Variants in MYO18B observed in about 807,000 individuals in gnomAD.
MYO18B encodes myosin XVIIIB.
Under a neutral mutation model 273.0 loss-of-function variants are expected in MYO18B, and 204 were observed. The ratio of observed to expected loss-of-function variants is 0.75; its 90% CI spans 0.67 to 0.84. The LOEUF is 0.84. Ranked by LOEUF, MYO18B falls within the 40% of genes least tolerant of loss-of-function variation. The pLI, the probability that MYO18B is intolerant of heterozygous loss-of-function variation, is 0.00. For synonymous variants in MYO18B, 1,330 were observed against 1,305.7 expected (o/e 1.02, Z -0.40); for missense variants, 3,212 against 3,287.6 (o/e 0.98, Z 0.56).
intron 42 of MYO18B, among the ~76,000 whole-genome samples, chr22:26,007,903 C>G (rs1432230143): frequency 1.3e-5 from 2 of 152,192 alleles, no homozygotes; most frequent in African/African-American, 4.8e-5. Context: ...TCTTAAGCTT[C>G]CTTCTCAGAA....
At chr22:25,835,944 A>T (rs1475587018) in intron 17 of MYO18B, among the ~76,000 whole-genome samples, 1 of 152,216 alleles carries the variant, frequency 6.6e-6, no homozygotes, top group African/African-American at 2.4e-5. Flanking sequence ...GATTCCAGGC[A>T]GTGGGAGGCA....
intron 42 of MYO18B, among the ~76,000 whole-genome samples, chr22:26,020,843 G>A (rs917138386): frequency 1.3e-4 from 20 of 152,284 alleles, no homozygotes; most frequent in Admixed American, 3.9e-4. Context: ...AATCCCAACA[G>A]TTTGGGAGGC....
rs112427721 is a variant in MYO18B, at chr22:25,926,215, GA to G, written c.5517+4815del. ...GCAAGACTGCGTCTCAAAAAGAAAA[GA>G]AAAAAAAAGAAATTAGAACATGTTC... On this transcript the variant is annotated intron_variant, in intron 34 of 43. Transcript: ENST00000335473. Among the ~76,000 whole-genome samples the G allele has an allele frequency of 6.5e-4, 97 of 148,666 alleles. No individual in the cohort carries two copies. The South Asian group carries it at 0.018, about 28-fold the overall frequency.
intron 25 of MYO18B, among the ~76,000 whole-genome samples, chr22:25,880,089 G>A (rs2091297639): frequency 6.6e-6 from 1 of 152,178 alleles, no homozygotes; most frequent in African/African-American, 2.4e-5. Flanking sequence ...CATGTGGTCA[G>A]CAAGCCACGG....
intron 12 of MYO18B, among the ~76,000 whole-genome samples, chr22:25,801,573 G>A (rs184598743): frequency 1.3e-5 from 2 of 152,190 alleles, no homozygotes; most frequent in Admixed American, 1.3e-4. Flanking sequence ...CTCCTGGCGG[G>A]GTGTTTCATA....
chr22:25,963,178 T>TCTCTCTCACACACACA (rs774304270), intron 39 of MYO18B, among the ~76,000 whole-genome samples: 35 of 144,178 alleles, frequency 2.4e-4, no homozygotes, highest in African/African-American at 7.5e-4. Context: ...TCTCTCTCTC[T>TCTCTCTCACACACACA]CACACACACA....
intron 32 of MYO18B, among the ~76,000 whole-genome samples, chr22:25,909,839 G>C (rs538871744): frequency 2.6e-5 from 4 of 152,212 alleles, no homozygotes; most frequent in African/African-American, 9.6e-5. Flanking sequence ...TGCTGGGGCT[G>C]TCTGGGGTGG....
rs1483938227 is a variant in MYO18B, at chr22:25,828,979, G to A, written c.2979+11G>A. 1.2e-6 allele frequency: 2 copies of A among 1,613,140 alleles called. No individual in the cohort carries two copies. Among genetic ancestry groups the A allele is most frequent in the South Asian group, 2.2e-5 (2 of 91,022 alleles). ...CAGCGATATCAAGAGGTATGCCTGG[G>A]CTGGAGCAGGGCTTTCACCAGAGCT... On this transcript the variant is annotated intron_variant, in intron 15 of 43. Coordinates refer to ENST00000335473, the MANE Select transcript of MYO18B (RefSeq NM_032608.7).
chr22:25,843,903 G>C lies in MYO18B; in HGVS notation c.3368+9G>C. ...CTGCACCAGTCAAAAAGGTGAGTTG[G>C]GTCAGGGTTGGGGACGGGGATGGAG... is the stretch of plus-strand genomic sequence containing the variant. On this transcript the variant is annotated intron_variant, in intron 18 of 43. Coordinates refer to ENST00000335473, the MANE Select transcript of MYO18B (RefSeq NM_032608.7). 1 of 1,595,690 alleles carries C rather than the reference G, an allele frequency of 6.3e-7. No individual in the cohort carries two copies. The highest frequency in any genetic ancestry group is 8.6e-7 in the Non-Finnish European group (1 of 1,165,138).
chr22:25,900,997 G>T (rs1470317527), intron 29 of MYO18B: 2 of 152,184 alleles, frequency 1.3e-5, no homozygotes, highest in African/African-American at 4.8e-5. Flanking sequence ...CTGAACTGTT[G>T]TAAGGACGAC....
chr22:25,969,053 C>T (rs573274683), intron 39 of MYO18B, among the ~76,000 whole-genome samples: 1 of 152,314 alleles, frequency 6.6e-6, no homozygotes, highest in East Asian at 1.9e-4. Context: ...AAAATTCCAT[C>T]TCTGTTATGC....
At chr22:25,958,073 C>G (rs1019755526) in intron 39 of MYO18B, among the ~76,000 whole-genome samples, 3 of 152,044 alleles carry the variant, frequency 2.0e-5, no homozygotes, top group Non-Finnish European at 4.4e-5. Flanking sequence ...CGCCACCATG[C>G]CCAGCTAATT....
chr22:25,963,144 TCTC>T (rs1262772614), intron 39 of MYO18B, among the ~76,000 whole-genome samples: 7 of 146,298 alleles, frequency 4.8e-5, no homozygotes, highest in South Asian at 2.2e-4. Context: ...TTCTCCTCTC[TCTC>T]TCTCCTCTTT....
At chr22:25,974,317 A>G (rs1169466189) in intron 39 of MYO18B, among the ~76,000 whole-genome samples, 1 of 152,228 alleles carries the variant, frequency 6.6e-6, no homozygotes, top group Non-Finnish European at 1.5e-5. Context: ...TGACACGCAT[A>G]ATATTAAAAT....
intron 35 of MYO18B, among the ~76,000 whole-genome samples, chr22:25,947,320 G>T (rs2092723481): frequency 6.6e-6 from 1 of 152,076 alleles, no homozygotes; most frequent in Admixed American, 6.6e-5. Context: ...GGTTATGTTT[G>T]TGGACAGAAC....
chr22:25,882,513 G>A (rs886530507), intron 25 of MYO18B, among the ~76,000 whole-genome samples: 3 of 152,186 alleles, frequency 2.0e-5, no homozygotes, highest in African/African-American at 7.2e-5. Flanking sequence ...ATTGAGAAGG[G>A]ATGGGTAGGA....
chr22:25,868,295 A>G (rs961545705), intron 21 of MYO18B, 25 bp from the exon 22 acceptor site: 2 of 1,581,184 alleles, frequency 1.3e-6, no homozygotes, highest in African/African-American at 1.3e-5. Flanking sequence ...TATGCTGTCT[A>G]ACTTCTCTCT....
intron 34 of MYO18B, among the ~76,000 whole-genome samples, chr22:25,924,603 T>G (rs1036339958): frequency 5.9e-5 from 9 of 152,226 alleles, no homozygotes; most frequent in Non-Finnish European, 1.2e-4. Flanking sequence ...TAAAATACCC[T>G]GGGAGAAGGA....
At chr22:25,863,745 C>T (rs966148014) in intron 21 of MYO18B, among the ~76,000 whole-genome samples, 6 of 152,152 alleles carry the variant, frequency 3.9e-5, no homozygotes, top group Admixed American at 2.0e-4. Flanking sequence ...TCAACCTCTA[C>T]GTTCTGTTTG....
Sources: allele counts gnomAD v4.1 joint callset (sites outside exome capture counted in the v4.1 genomes callset), GRCh38; gene constraint gnomAD v4.1.1; transcripts MANE v1.5; gene names NCBI Gene and HGNC (gene_info 2026-07-23, HGNC 2026-07-21).